Variants in PCDH15 observed in about 807,000 individuals in gnomAD.
The protein encoded by PCDH15 is protocadherin related 15.
PCDH15 carries 129 observed loss-of-function variants against 178.5 expected under a neutral mutation model. The ratio of observed to expected loss-of-function variants is 0.72; its 90% CI spans 0.63 to 0.84. PCDH15 has a LOEUF of 0.84. Ranked by LOEUF, PCDH15 falls within the 40% of genes least tolerant of loss-of-function variation. The pLI is 0.00. For synonymous variants in PCDH15, 800 were observed against 732.0 expected (o/e 1.09, Z -1.50); for missense variants, 2,230 against 2,099.9 (o/e 1.06, Z -1.21).
chr10:54,400,859 G>C (rs1951843930), intron 3 of PCDH15, among the ~76,000 whole-genome samples: 1 of 151,870 alleles, frequency 6.6e-6, no homozygotes, highest in African/African-American at 2.4e-5. Flanking sequence ...GAGAGAAAGA[G>C]AGAGAATGAT....
intron 1 of PCDH15, among the ~76,000 whole-genome samples, chr10:54,691,393 C>T (rs1045908133): frequency 6.6e-6 from 1 of 152,056 alleles, no homozygotes; most frequent in African/African-American, 2.4e-5. Flanking sequence ...TGTAAACCAC[C>T]TCAGCTAGGA....
chr10:54,518,982 G>A (rs2082537843), intron 3 of PCDH15, among the ~76,000 whole-genome samples: 1 of 152,194 alleles, frequency 6.6e-6, no homozygotes, highest in Non-Finnish European at 1.5e-5. Context: ...CTCAATAGAT[G>A]CAGAAAAGGC....
At chr10:55,096,540 C>T (rs1273280106) in intron 2 of PCDH15, among the ~76,000 whole-genome samples, 1 of 152,060 alleles carries the variant, frequency 6.6e-6, no homozygotes, top group African/African-American at 2.4e-5. Flanking sequence ...GTGTACAATA[C>T]ATTGTTATTA....
intron 21 of PCDH15, among the ~76,000 whole-genome samples, chr10:53,965,038 A>G (rs564472562): frequency 6.7e-6 from 1 of 150,274 alleles, no homozygotes; most frequent in African/African-American, 2.4e-5. Context: ...TAAGTTCAGA[A>G]GTTGGTATTA....
At chr10:55,091,820 A>G (rs562872282) in intron 2 of PCDH15, among the ~76,000 whole-genome samples, 19 of 151,980 alleles carry the variant, frequency 1.3e-4, no homozygotes, top group Middle Eastern at 3.4e-3. Context: ...GGACTCCTGT[A>G]ATTTTGATAC....
intron 3 of PCDH15, among the ~76,000 whole-genome samples, chr10:54,447,691 T>C (rs564786867): frequency 1.3e-5 from 2 of 151,848 alleles, no homozygotes; most frequent in Non-Finnish European, 3.0e-5. Context: ...ATGGTAGTAA[T>C]AGCCTAAGAA....
intron 2 of PCDH15, among the ~76,000 whole-genome samples, chr10:55,347,317 G>T (rs1844789794): frequency 6.6e-6 from 1 of 152,108 alleles, no homozygotes; most frequent in Non-Finnish European, 1.5e-5. Flanking sequence ...AAAATATGCT[G>T]AGGTAATCCT....
chr10:55,435,388 T>C (rs10219083), intron 2 of PCDH15, among the ~76,000 whole-genome samples: 116,992 of 152,122 alleles, frequency 0.77, 46,289 homozygotes, highest in East Asian at 1. Context: ...GTATTGTTAC[T>C]TTTAAAATTA....
rs977477900 is a variant in PCDH15 at position 54,750,700 on chromosome 10, C to T, written c.-29+50225G>A. Among the ~76,000 whole-genome samples, 16 of 152,118 alleles carry T rather than the reference C, an allele frequency of 1.1e-4. No homozygotes were observed. In the East Asian group the frequency reaches 3.1e-3, roughly 29 times the overall value. On this transcript the variant is annotated intron_variant, in intron 1 of 37. Transcript: ENST00000644397. ...TATACATTGTATTCAAAATAAAATGCAAATACCAAAGAAAAATTGTTTTCT... is the reference window on the plus strand; with the variant it reads ...TATACATTGTATTCAAAATAAAATGTAAATACCAAAGAAAAATTGTTTTCT...
chr10:53,815,415 C>A (rs2076026058), intron 35 of PCDH15, among the ~76,000 whole-genome samples: 2 of 152,098 alleles, frequency 1.3e-5, no homozygotes, highest in Admixed American at 1.3e-4. Context: ...TGACTAAGGT[C>A]TTGCATAAAG....
At chr10:54,216,096 C>G (rs1265255131) in intron 9 of PCDH15, among the ~76,000 whole-genome samples, 1 of 138,916 alleles carries the variant, frequency 7.2e-6, no homozygotes, top group Non-Finnish European at 1.5e-5. Context: ...ACAAAATGTT[C>G]ATATCCCGAA....
chr10:55,098,419 A>G (rs558695049), intron 2 of PCDH15, among the ~76,000 whole-genome samples: 8 of 152,252 alleles, frequency 5.3e-5, no homozygotes, highest in East Asian at 1.9e-4. Context: ...GCAGCCCCCA[A>G]ATAATTTTCT....
intron 1 of PCDH15, among the ~76,000 whole-genome samples, chr10:55,207,801 T>C (rs568564148): frequency 2.0e-5 from 3 of 152,130 alleles, no homozygotes; most frequent in Non-Finnish European, 4.4e-5. Context: ...AACCCGTCTT[T>C]ATTAAAAATA....
intron 2 of PCDH15, among the ~76,000 whole-genome samples, chr10:55,607,397 G>A (rs1280644896): frequency 7.3e-6 from 1 of 137,418 alleles, no homozygotes; most frequent in Non-Finnish European, 1.6e-5. Flanking sequence ...CCCATTACTG[G>A]GTATATACCC....
intron 3 of PCDH15, among the ~76,000 whole-genome samples, chr10:54,416,639 C>G (rs1177867998): frequency 6.6e-6 from 1 of 152,012 alleles, no homozygotes; most frequent in African/African-American, 2.4e-5. Flanking sequence ...GGGTATATAC[C>G]TAGTAATGAT....
intron 2 of PCDH15, among the ~76,000 whole-genome samples, chr10:55,612,922 A>G (rs1843398113): frequency 6.6e-6 from 1 of 152,116 alleles, no homozygotes; most frequent in Non-Finnish European, 1.5e-5. Flanking sequence ...TATATTATTA[A>G]ATAAGCTATG....
intron 3 of PCDH15, among the ~76,000 whole-genome samples, chr10:54,826,904 T>G (rs191403290): frequency 6.6e-6 from 1 of 152,114 alleles, no homozygotes; most frequent in African/African-American, 2.4e-5. Flanking sequence ...AGTGAACTTA[T>G]ATGCAGACTT....
chr10:54,773,310 T>A (rs1479432146), intron 1 of PCDH15, among the ~76,000 whole-genome samples: 2 of 152,122 alleles, frequency 1.3e-5, no homozygotes, highest in African/African-American at 4.8e-5. Flanking sequence ...AGTCATAAAA[T>A]ACAAATGAAT....
intron 2 of PCDH15, among the ~76,000 whole-genome samples, chr10:55,519,525 A>C (rs958137334): frequency 2.0e-5 from 3 of 152,078 alleles, no homozygotes; most frequent in Non-Finnish European, 4.4e-5. Context: ...CCTAGCTTTG[A>C]TATTCTACTA....
Sources: allele counts gnomAD v4.1 joint callset (sites outside exome capture counted in the v4.1 genomes callset), GRCh38; gene constraint gnomAD v4.1.1; transcripts MANE v1.5; gene names NCBI Gene and HGNC (gene_info 2026-07-23, HGNC 2026-07-21).